CRK: variants seen among roughly 807,000 people sequenced by gnomAD.
CRK encodes the protein adapter molecule crk.
Under a neutral mutation model 29.8 loss-of-function variants are expected in CRK, and 4 were observed. The ratio of observed to expected loss-of-function variants is 0.13; its 90% CI spans 0.07 to 0.31. CRK has a LOEUF of 0.31. Among genes scored for constraint, CRK ranks in the 10% least tolerant of loss-of-function variants. The probability of loss-of-function intolerance (pLI) is 1.00; values close to 1 mark genes in which losing one functional copy is unlikely to be tolerated. For missense variants in CRK, 274 were observed against 396.5 expected, an observed-to-expected ratio of 0.69 and a Z score of 2.62; for synonymous variants, 153 against 164.9, an observed-to-expected ratio of 0.93 and a Z score of 0.55.
In CRK at chr17:1,422,668, T is replaced by C. The variant is rs1322746267; in HGVS notation, c.*845A>G. The C allele has an allele frequency of 6.1e-6, 2 of 328,362 alleles. No individual in the cohort carries two copies. The highest frequency in any genetic ancestry group is 4.8e-5 in the East Asian group (1 of 21,002). The allele number at this position is 328,362 out of a possible 1,614,324, so 20.3% of individuals were successfully genotyped here. A position where few individuals can be genotyped will look rare whatever the true frequency, so the allele number is the denominator to read the frequency against. ...ATAGGATACTGGCCCTCTGGAGAAA[T>C]GGCCCTGCTGGATCCCATTAGTTAG... On this transcript the variant is annotated 3_prime_UTR_variant, in exon 3 of 3. Transcript: ENST00000300574.
chr17:1,451,622 T>C (rs1256215014), intron 1 of CRK, among the ~76,000 whole-genome samples: 1 of 151,834 alleles, frequency 6.6e-6, no homozygotes, highest in African/African-American at 2.4e-5. Flanking sequence ...ACAGCCTGAG[T>C]CAGAAGGGCT....
At chr17:1,430,523 A>AT (rs2073832501) in intron 2 of CRK, among the ~76,000 whole-genome samples, 3 of 146,674 alleles carry the variant, frequency 2.0e-5, no homozygotes. Context: ...CGTCCGGCTA[A>AT]TTTTTTGTAT....
At chr17:1,447,508 C>T (rs2073984335) in intron 1 of CRK, among the ~76,000 whole-genome samples, 2 of 152,000 alleles carry the variant, frequency 1.3e-5, no homozygotes, top group Non-Finnish European at 2.9e-5. Flanking sequence ...TCATGAAGAA[C>T]ACCTGAGGGC....
At chr17:1,449,783 AG>A (rs34786721) in intron 1 of CRK, among the ~76,000 whole-genome samples, 1 of 152,188 alleles carries the variant, frequency 6.6e-6, no homozygotes, top group African/African-American at 2.4e-5. Context: ...TTATGGCCCC[AG>A]GGAACTCCCA....
In CRK at chr17:1,422,823, G is replaced by A. The variant is rs909413913; in HGVS notation, c.*690C>T. On this transcript the variant is annotated 3_prime_UTR_variant, in exon 3 of 3. Coordinates refer to ENST00000300574, the MANE Select transcript of CRK (RefSeq NM_016823.4). ...AAGCTATGCACTGAATAAAGTGCTC[G>A]GTACATCCTGCTTTTCACCTGGAAT... The A allele has an allele frequency of 7.5e-6, 3 of 397,936 alleles. No individual in the cohort carries two copies. Among genetic ancestry groups the A allele is most frequent in the Middle Eastern group, 6.3e-4 (1 of 1,586 alleles). The allele number at this position is 397,936 out of a possible 1,614,324, so 24.7% of individuals were successfully genotyped here. A position where few individuals can be genotyped will look rare whatever the true frequency, so the allele number is the denominator to read the frequency against.
intron 1 of CRK, among the ~76,000 whole-genome samples, chr17:1,441,823 G>T (rs986963308): frequency 3.3e-5 from 5 of 151,714 alleles, no homozygotes; most frequent in African/African-American, 1.2e-4. Flanking sequence ...TTTTTTTATA[G>T]AGACAGTGTC....
At chr17:1,433,870 A>G (rs1367975403) in intron 2 of CRK, among the ~76,000 whole-genome samples, 4 of 148,528 alleles carry the variant, frequency 2.7e-5, no homozygotes, top group Non-Finnish European at 4.5e-5. Flanking sequence ...TAATTTTTAA[A>G]AACATTTTTT....
intron 2 of CRK, among the ~76,000 whole-genome samples, chr17:1,432,788 A>G (rs1368954195): frequency 1.3e-5 from 2 of 151,978 alleles, no homozygotes; most frequent in Non-Finnish European, 2.9e-5. Context: ...AAAAAAAAAA[A>G]AAAAGAAAAG....
chr17:1,450,874 G>A (rs934973824), intron 1 of CRK, among the ~76,000 whole-genome samples: 1 of 151,450 alleles, frequency 6.6e-6, no homozygotes, highest in Non-Finnish European at 1.5e-5. Context: ...CAACAAGAGC[G>A]AAACTCCCTC....
At chr17:1,448,306 T>C (rs2150912310) in intron 1 of CRK, among the ~76,000 whole-genome samples, 1 of 152,138 alleles carries the variant, frequency 6.6e-6, no homozygotes, top group East Asian at 1.9e-4. Context: ...TGGGGTCAAA[T>C]ACCTATCTAA....
intron 1 of CRK, among the ~76,000 whole-genome samples, chr17:1,437,946 G>A (rs2073900330): frequency 6.6e-6 from 1 of 151,712 alleles, no homozygotes; most frequent in Non-Finnish European, 1.5e-5. Context: ...GATTACAGGT[G>A]TGAGCTACTG....
chr17:1,427,572 A>G (rs1233123041), intron 2 of CRK, among the ~76,000 whole-genome samples: 5 of 151,708 alleles, frequency 3.3e-5, no homozygotes, highest in Admixed American at 6.6e-5. Context: ...CAGCCTGGGT[A>G]ACAGAGCGAG....
intron 2 of CRK, chr17:1,426,323 G>A (rs746197565): frequency 2.6e-5 from 4 of 152,392 alleles, no homozygotes; most frequent in African/African-American, 9.7e-5. Flanking sequence ...TGGAGGAAGG[G>A]GAGGAAGGGA....
chr17:1,448,648 A>AAAAAT (rs2073994321), intron 1 of CRK, among the ~76,000 whole-genome samples: 1 of 131,582 alleles, frequency 7.6e-6, no homozygotes, highest in African/African-American at 2.8e-5. Flanking sequence ...AAAAAGAAAA[A>AAAAAT]GTGGCTCGTA....
intron 1 of CRK, among the ~76,000 whole-genome samples, chr17:1,452,313 A>G (rs1373636572): frequency 2.6e-5 from 4 of 152,216 alleles, no homozygotes; most frequent in Non-Finnish European, 5.9e-5. Flanking sequence ...AGGTACATAA[A>G]GTACTCAAAG....
chr17:1,452,476 T>C (rs1460298508), intron 1 of CRK, among the ~76,000 whole-genome samples: 1 of 152,076 alleles, frequency 6.6e-6, no homozygotes, highest in Non-Finnish European at 1.5e-5. Flanking sequence ...ATTTGTGAGG[T>C]ACAAAGTAAT....
chr17:1,432,852 A>G (rs543018525), intron 2 of CRK, among the ~76,000 whole-genome samples: 1 of 152,252 alleles, frequency 6.6e-6, no homozygotes, highest in Non-Finnish European at 1.5e-5. Context: ...GCTATCAAGT[A>G]GAATGGTGGA....
At chr17:1,440,277 C>T (rs1432576279) in intron 1 of CRK, among the ~76,000 whole-genome samples, 1 of 147,484 alleles carries the variant, frequency 6.8e-6, no homozygotes, top group Non-Finnish European at 1.5e-5. Flanking sequence ...CCAGCCTGGG[C>T]GACAGAGCGG....
intron 1 of CRK, among the ~76,000 whole-genome samples, chr17:1,453,132 CGTAGAAAAT>C (rs1299795481): frequency 2.0e-5 from 3 of 152,058 alleles, no homozygotes; most frequent in Non-Finnish European, 4.4e-5. Context: ...GCAACTGAAT[CGTAGAAAAT>C]GGGGTACAAC....
Sources: gnomAD v4.1 joint callset for allele counts (sites outside exome capture counted in the v4.1 genomes callset) on GRCh38, gnomAD v4.1.1 for gene constraint, MANE v1.5 for transcripts, NCBI Gene and HGNC (gene_info 2026-07-23, HGNC 2026-07-21) for gene names.